The following CELSR3 variants were observed in gnomAD, a reference collection of about 807,000 sequenced individuals.
CELSR3 encodes EGF-like protein 1.
Under a neutral mutation model 270.0 loss-of-function variants are expected in CELSR3, and 73 were observed. The ratio of observed to expected loss-of-function variants is 0.27; its 90% CI spans 0.22 to 0.33. CELSR3 has a LOEUF of 0.33. Ranked by LOEUF, CELSR3 falls within the 10% of genes least tolerant of loss-of-function variation. CELSR3 has a pLI of 1.00. For synonymous variants in CELSR3, 1,780 were observed against 1,905.4 expected, an observed-to-expected ratio of 0.93 and a Z score of 1.71; for missense variants, 3,614 against 4,533.8, an observed-to-expected ratio of 0.80 and a Z score of 5.83.
chr3:48,646,879 G>T lies in CELSR3; in HGVS notation c.7179C>A (p.Val2393=). Residue 2393 remains valine (V), a synonymous_variant, in exon 21 of 35, where the codon GTC becomes GTA. Coordinates refer to ENST00000164024, the MANE Select transcript of CELSR3 (RefSeq NM_001407.3). The surrounding 1 kb of genome is among the most constrained non-coding windows in gnomAD (Gnocchi z 4.8). ...SIENSTTSSV[V]PPPAPPEPEP... ...CTGGCTCTGGCGGGGCTGGTGGGGG[G>T]ACCACACTTGAGGTGGTGGAGTTTT... is the stretch of plus-strand genomic sequence containing the variant. The T allele has an allele frequency of 1.3e-6, 2 of 1,584,518 alleles. No homozygotes were observed. Among genetic ancestry groups the T allele is most frequent in the South Asian group, 2.3e-5 (2 of 87,344 alleles).
At chr3:48,643,896 CAG>C (rs1280518502) in intron 27 of CELSR3, 5 of 614,416 alleles carry the variant, frequency 8.1e-6, no homozygotes, top group East Asian at 2.8e-5. Context: ...GGGGAAAACA[CAG>C]GGGTATGGGA....
At position 48,645,143 on chromosome 3, in the gene CELSR3, C is replaced by A; in HGVS notation, c.7864G>T (p.Val2622Leu). Residue 2622 changes from valine to leucine, a missense_variant, in exon 25 of 35, where the codon GTG (valine) becomes TTG (leucine). Val to Leu is a conservative substitution (Grantham distance 32). This residue lies in a region of CELSR3 where 1,240 missense variants were observed against 1,351.7 expected (regional missense o/e 0.92). Coordinates refer to ENST00000164024, the MANE Select transcript of CELSR3 (RefSeq NM_001407.3). The surrounding 1 kb of genome is among the most constrained non-coding windows in gnomAD (Gnocchi z 5.4). ...FFLSTFAWLF[V>L]QGLHLYRMQV... is the part of the protein sequence containing the mutation. ...ATGCGGTAGAGGTGCAGCCCCTGCACGAAGAGCCACGCGAAGGTGCTGAGG... is the reference window on the plus strand; with the variant it reads ...ATGCGGTAGAGGTGCAGCCCCTGCAAGAAGAGCCACGCGAAGGTGCTGAGG... 1 of 1,600,102 alleles carries A rather than the reference C, an allele frequency of 6.2e-7. No homozygotes were observed.
chr3:48,662,789 T>C lies in CELSR3; in HGVS notation c.-155A>G, dbSNP rs1340105959. The C allele has an allele frequency of 1.7e-5, 5 of 296,700 alleles. No individual in the cohort carries two copies. Among genetic ancestry groups the C allele is most frequent in the Non-Finnish European group, 3.0e-5 (5 of 168,292 alleles). The allele number at this position is 296,700 out of a possible 1,614,324, so 18.4% of individuals were successfully genotyped here. A position where few individuals can be genotyped will look rare whatever the true frequency, so the allele number is the denominator to read the frequency against. On this transcript the variant is annotated 5_prime_UTR_variant, in exon 1 of 35. It removes an upstream start codon present in the reference 5' UTR. Transcript: ENST00000164024. The surrounding 1 kb of genome is among the most constrained non-coding windows in gnomAD (Gnocchi z 7.1). ...CACCCCCGCCGCCCTCTGGGCACCATCTACTCCGCGGCCGGAGCCCCTCCG... is the reference window on the plus strand; with the variant it reads ...CACCCCCGCCGCCCTCTGGGCACCACCTACTCCGCGGCCGGAGCCCCTCCG...
Position 48,650,534 on chromosome 3 carries a change from G to T in CELSR3, c.6418C>A (p.Pro2140Thr), listed in dbSNP as rs1410192417. ...GCCAGGACGCCAAACTTTGTCTGGG[G>T]CCACCACACACCAGATCTCAGGGAC... ...PKSLRSGVWW[P>T]QTKFGVLATV... The change falls in exon 16 of 35, where the codon CCC becomes ACC. Residue 2140 changes from proline to threonine, a missense_variant. Pro to Thr is a conservative substitution (Grantham distance 38, BLOSUM62 -1). Transcript: ENST00000164024. The surrounding 1 kb of genome is among the most constrained non-coding windows in gnomAD (Gnocchi z 5.1). 1 of 1,607,626 alleles carries T rather than the reference G, an allele frequency of 6.2e-7. No individual in the cohort carries two copies. Among genetic ancestry groups the T allele is most frequent in the African/African-American group, 1.3e-5 (1 of 74,134 alleles).
rs766606717 is a variant in CELSR3 at position 48,657,086 on chromosome 3, C to T, written c.4011G>A (p.Gly1337=). ...AGGGCCCTGCAGCGCCCGCCCCGGCCCCACGTGGAGCTAGCGCCGAGAAAC... is the reference window on the plus strand; with the variant it reads ...AGGGCCCTGCAGCGCCCGCCCCGGCTCCACGTGGAGCTAGCGCCGAGAAAC... ...NVSFSALAPR[G]AGAGAAGPWF... is the part of the protein sequence containing the mutation. Residue 1337 remains glycine, a synonymous_variant, in exon 2 of 35, where the codon GGG becomes GGA. Transcript: ENST00000164024. This position sits in a 1 kb window ranked among gnomAD's most constrained non-coding sequence, Gnocchi z 5.4. 5.6e-6 allele frequency: 9 copies of T among 1,613,782 alleles called. No homozygotes were observed. Among genetic ancestry groups the T allele is most frequent in the Non-Finnish European group, 7.6e-6 (9 of 1,179,964 alleles).
chr3:48,638,194 C>G lies in CELSR3; in HGVS notation c.*11G>C. On this transcript the variant is annotated 3_prime_UTR_variant, in exon 35 of 35. Coordinates refer to ENST00000164024, the MANE Select transcript of CELSR3 (RefSeq NM_001407.3). ...CGCCCTCAGCTGTTCCTCGTCCACG[C>G]CGTCATCCCCTCAGGAGTGACCCTC... 1 of 1,611,722 alleles carries G rather than the reference C, an allele frequency of 6.2e-7. No individual in the cohort carries two copies. Among genetic ancestry groups the G allele is most frequent in the Non-Finnish European group, 8.5e-7 (1 of 1,178,108 alleles).
chr3:48,661,841 G>T lies in CELSR3; in HGVS notation c.794C>A (p.Ser265Tyr). 2 of 1,610,326 alleles carry T rather than the reference G, an allele frequency of 1.2e-6. No individual in the cohort carries two copies. The highest frequency in any genetic ancestry group is 1.7e-6 in the Non-Finnish European group (2 of 1,179,660). Residue 265 changes from serine (S) to tyrosine (Y), a missense_variant, in exon 1 of 35, where the codon TCT becomes TAT. Physicochemically the swap from Ser to Tyr is moderately radical, Grantham distance 144 (BLOSUM62 -2). Coordinates refer to ENST00000164024, the MANE Select transcript of CELSR3 (RefSeq NM_001407.3). Reference sequence around the variant, plus strand: ...GGGCGCCGGCTCGGGAGCTGTCCGAGACTCGCGGGGTGCTGAACCTGATGC... The same window carrying T: ...GGGCGCCGGCTCGGGAGCTGTCCGATACTCGCGGGGTGCTGAACCTGATGC... ...APASGSAPRE[S>Y]RTAPEPAPKR...
Position 48,644,760 on chromosome 3 carries a change from G to A in CELSR3, c.8041C>T (p.Pro2681Ser). The A allele has an allele frequency of 1.2e-6, 2 of 1,613,516 alleles. No homozygotes were observed. The highest frequency in any genetic ancestry group is 1.7e-6 in the Non-Finnish European group (2 of 1,179,960). The change falls in exon 26 of 35, where the codon CCC becomes TCC. Residue 2681 changes from proline (P) to serine (S), a missense_variant. Pro to Ser is a moderately conservative substitution (Grantham distance 74). Around this residue, in one of 7 missense-constraint regions of CELSR3, gnomAD observed 1,240 missense variants for 1,351.7 expected, o/e 0.92. Transcript: ENST00000164024. This position sits in a 1 kb window ranked among gnomAD's most constrained non-coding sequence, Gnocchi z 4.8. ...GGGCCAGCAAAGCTCCAGATGAGGG[G>A]CTCGTGGACTGAGATCCAGCAGAAG... Reference protein sequence around the residue: ...PDFCWISVHEPLIWSFAGPVV... With the variant: ...PDFCWISVHESLIWSFAGPVV...
Position 48,660,238 on chromosome 3 carries a change from C to T in CELSR3, c.2397G>A (p.Arg799=). ...CCTGGGTGCTGATGGCAAAGCGATT[C>T]CGGGTGTTGCCGCCTGTGATCTGGT... is the stretch of plus-strand genomic sequence containing the variant. The part of the protein sequence containing the change: ...ISYQITGGNT[R]NRFAISTQGG... Residue 799 remains arginine, a synonymous_variant, in exon 1 of 35, where the codon CGG becomes CGA. Transcript: ENST00000164024. The surrounding 1 kb of genome is among the most constrained non-coding windows in gnomAD (Gnocchi z 5.5). 2.5e-6 allele frequency: 4 copies of T among 1,614,158 alleles called. No individual in the cohort carries two copies. The highest frequency in any genetic ancestry group is 3.4e-6 in the Non-Finnish European group (4 of 1,180,044).
rs777119940 is a variant in CELSR3, at chr3:48,651,321, G to A, written c.6186+38C>T. On this transcript the variant is annotated intron_variant, in intron 14 of 34. Coordinates refer to ENST00000164024, the MANE Select transcript of CELSR3 (RefSeq NM_001407.3). This position sits in a 1 kb window ranked among gnomAD's most constrained non-coding sequence, Gnocchi z 7.4. ...AAGCTGGACAGGAATTGCAGATTGC[G>A]TCCAAGGAAGGGTTAAAAGGTCAGG... is the stretch of plus-strand genomic sequence containing the variant. 72 of 1,610,806 alleles carry A rather than the reference G, an allele frequency of 4.5e-5. No individual in the cohort carries two copies. The Middle Eastern group carries it at 5.0e-4, about 11-fold the overall frequency.
At position 48,641,030 on chromosome 3, in the gene CELSR3, G is replaced by A. The variant is rs1401460940; in HGVS notation, c.9025+294C>T. On this transcript the variant is annotated intron_variant, in intron 33 of 34. Transcript: ENST00000164024. This position sits in a 1 kb window ranked among gnomAD's most constrained non-coding sequence, Gnocchi z 4.8. ...TCAGAGCACGGGCTCTGGGATCTGG[G>A]TGGGGGGCAGGGGGAAGCAGCTCCT... The A allele has an allele frequency of 4.8e-6, 2 of 420,218 alleles. No homozygotes were observed. The highest frequency in any genetic ancestry group is 8.5e-6 in the Non-Finnish European group (2 of 235,248). 26.0% of individuals were successfully genotyped at this position (420,218 alleles called of 1,614,324 possible).
chr3:48,656,288 C>G lies in CELSR3; in HGVS notation c.4477G>C (p.Ala1493Pro), dbSNP rs1178047341. Residue 1493 changes from alanine (A) to proline (P), a missense_variant, in exon 3 of 35, where the codon GCG (alanine) becomes CCG (proline). Ala to Pro is a conservative substitution (Grantham distance 27, BLOSUM62 -1). Transcript: ENST00000164024. The part of the protein sequence containing the change: ...VCRNGGTCTD[A>P]PNGGFRCQCP... ...TGGCAGCGAAAGCCGCCGTTGGGCG[C>G]GTCGGTGCAGGTGCCCCCGTTGCGG... is the stretch of plus-strand genomic sequence containing the variant. The G allele has an allele frequency of 6.5e-7, 1 of 1,532,222 alleles. No homozygotes were observed. Among genetic ancestry groups the G allele is most frequent in the South Asian group, 1.2e-5 (1 of 83,830 alleles). 94.9% of individuals were successfully genotyped at this position (1,532,222 alleles called of 1,614,324 possible). A position where few individuals can be genotyped will look rare whatever the true frequency, so the allele number is the denominator to read the frequency against.
rs1324816751 is a variant in CELSR3, at chr3:48,641,391, G to A, written c.8958C>T (p.Asn2986=). 16 of 1,611,852 alleles carry A rather than the reference G, an allele frequency of 9.9e-6. No homozygotes were observed. Among genetic ancestry groups the A allele is most frequent in the Non-Finnish European group, 1.0e-5 (12 of 1,179,034 alleles). ...LDTSKDAANN[N]QPDPALTSGD... ...CACTGGTCAGGGCCGGGTCTGGCTG[G>A]TTGTTGTTAGCTGCATCCTTGCTGG... The change falls in exon 33 of 35, where the codon AAC becomes AAT. Residue 2986 remains asparagine, a synonymous_variant. Coordinates refer to ENST00000164024, the MANE Select transcript of CELSR3 (RefSeq NM_001407.3). The surrounding 1 kb of genome is among the most constrained non-coding windows in gnomAD (Gnocchi z 4.8).
rs1458822340 is a variant in CELSR3 at position 48,641,679 on chromosome 3, G to T, written c.8825-155C>A. On this transcript the variant is annotated intron_variant, in intron 32 of 34. Transcript: ENST00000164024. The surrounding 1 kb of genome is among the most constrained non-coding windows in gnomAD (Gnocchi z 4.8). ...AGAGATCAATGGGTGGGGGTGACTGGTGAGCTCCCTCCCCTTAACTGGAGG... is the reference window on the plus strand; with the variant it reads ...AGAGATCAATGGGTGGGGGTGACTGTTGAGCTCCCTCCCCTTAACTGGAGG... Among the ~76,000 whole-genome samples the T allele has an allele frequency of 6.6e-6, 1 of 152,234 alleles. No homozygotes were observed. The highest frequency in any genetic ancestry group is 1.5e-5 in the Non-Finnish European group (1 of 68,030).
intron 17 of CELSR3, 62 bp downstream of exon 17, chr3:48,649,059 C>G: frequency 6.4e-7 from 1 of 1,550,630 alleles, no homozygotes. Context: ...GGTGTGGTAT[C>G]TGGGGCCCAC....
chr3:48,643,825 G>T, intron 27 of CELSR3, 148 bp from the exon 28 acceptor site: 1 of 885,476 alleles, frequency 1.1e-6, no homozygotes, highest in Non-Finnish European at 1.7e-6. Context: ...GGAGGACACT[G>T]GGGGAGATGG....
chr3:48,648,238 G>GCCCCCC, intron 19 of CELSR3, 28 bp downstream of exon 19: 1 of 1,342,630 alleles, frequency 7.4e-7, no homozygotes, highest in Non-Finnish European at 1.1e-6. Context: ...CCCCTGCTGT[G>GCCCCCC]CCCCGCCCTA....
chr3:48,638,631 C>CA (rs1344665144), intron 34 of CELSR3, among the ~76,000 whole-genome samples: 5 of 148,378 alleles, frequency 3.4e-5, no homozygotes, highest in Admixed American at 2.0e-4. Context: ...AGGTAAGACA[C>CA]AGAGCTCAAA....
Position 48,639,622 on chromosome 3 carries a change from G to C in CELSR3, c.9911+52C>G. On this transcript the variant is annotated intron_variant, in intron 34 of 34. Coordinates refer to ENST00000164024, the MANE Select transcript of CELSR3 (RefSeq NM_001407.3). This position sits in a 1 kb window ranked among gnomAD's most constrained non-coding sequence, Gnocchi z 4.1. Reference sequence around the variant, plus strand: ...GCAGAACACAGGGCAGGGCACACAGGAGGTTGCCCTAAGCTGATGAGGGTG... The same window carrying C: ...GCAGAACACAGGGCAGGGCACACAGCAGGTTGCCCTAAGCTGATGAGGGTG... 1 of 1,590,844 alleles carries C rather than the reference G, an allele frequency of 6.3e-7. No homozygotes were observed. The highest frequency in any genetic ancestry group is 8.6e-7 in the Non-Finnish European group (1 of 1,165,682).
Sources: gnomAD v4.1 joint callset for allele counts (sites outside exome capture counted in the v4.1 genomes callset) on GRCh38, gnomAD v4.1.1 for gene constraint, gnomAD v4.1.1 regional missense constraint, Gnocchi (gnomAD v3.1) non-coding constraint, MANE v1.5 for transcripts, NCBI Gene and HGNC (gene_info 2026-07-23, HGNC 2026-07-21) for gene names.